Variants in LRRK1 observed in about 807,000 individuals in gnomAD.
LRRK1 encodes the protein leucine rich repeat kinase 1, also known as leucine-rich repeat serine/threonine-protein kinase 1.
In LRRK1, 113 loss-of-function variants were observed where a neutral mutation model predicts 209.1. The observed-to-expected ratio is 0.54, with a 90% CI of 0.46 to 0.63. The LOEUF is 0.63. Ranked by LOEUF, LRRK1 falls within the 30% of genes least tolerant of loss-of-function variation. The pLI is 0.00. For missense variants in LRRK1, 2,284 were observed against 2,632.2 expected, an observed-to-expected ratio of 0.87 and a Z score of 2.89; for synonymous variants, 1,144 against 1,099.7, an observed-to-expected ratio of 1.04 and a Z score of -0.80.
At chr15:101,013,780 T>C (rs1168531267) in intron 10 of LRRK1, among the ~76,000 whole-genome samples, 1 of 152,144 alleles carries the variant, frequency 6.6e-6, no homozygotes, top group Non-Finnish European at 1.5e-5. Context: ...CTGATAATCC[T>C]GAGGGGCCCA....
intron 2 of LRRK1, among the ~76,000 whole-genome samples, chr15:100,970,418 T>A (rs1169960439): frequency 6.6e-6 from 1 of 152,244 alleles, no homozygotes; most frequent in East Asian, 1.9e-4. Context: ...CCCATTGTAC[T>A]GCTTTGGCTC....
In LRRK1 at chr15:101,021,851, T is replaced by G. The variant is rs2033810801; in HGVS notation, c.1746T>G (p.Pro582=). The part of the protein sequence containing the change: ...SLSELYLGNN[P]GLRELPPELG... ...TGGACACATCTGTCTTCAGCAACCC[T>G]GGCCTCCGGGAGCTCCCTCCTGAGC... is the stretch of plus-strand genomic sequence containing the variant. The change falls in exon 14 of 34, where the codon CCT becomes CCG. Residue 582 remains proline (P), a synonymous_variant. Coordinates refer to ENST00000388948, the MANE Select transcript of LRRK1 (RefSeq NM_024652.6). The G allele has an allele frequency of 3.7e-6, 6 of 1,612,394 alleles. No individual in the cohort carries two copies. Among genetic ancestry groups the G allele is most frequent in the Non-Finnish European group, 5.1e-6 (6 of 1,178,704 alleles).
chr15:101,059,792 C>T (rs1434732604), intron 29 of LRRK1, among the ~76,000 whole-genome samples: 1 of 152,224 alleles, frequency 6.6e-6, no homozygotes, highest in African/African-American at 2.4e-5. Context: ...ACTGTGGTCT[C>T]TAAGTACCAA....
intron 29 of LRRK1, among the ~76,000 whole-genome samples, chr15:101,059,840 G>A (rs1415879291): frequency 4.7e-4 from 71 of 152,224 alleles, no homozygotes; most frequent in Admixed American, 4.4e-3. Context: ...GCAGAGTCCA[G>A]GTCCGGGGCA....
intron 27 of LRRK1, 144 bp downstream of exon 27, chr15:101,055,367 G>A (rs987686027): frequency 2.5e-6 from 2 of 811,938 alleles, no homozygotes; most frequent in African/African-American, 3.5e-5. Flanking sequence ...CTCAATGAGG[G>A]AGGTTCTGGC....
At chr15:101,006,368 G>GTGA (rs2032950087) in intron 6 of LRRK1, among the ~76,000 whole-genome samples, 1 of 105,878 alleles carries the variant, frequency 9.4e-6, no homozygotes, top group Non-Finnish European at 1.8e-5. Context: ...CAACGACAAT[G>GTGA]TGATAAAAAA....
rs563879958 is a variant in LRRK1 at position 101,022,272 on chromosome 15, C to T, written c.1853-111C>T. On this transcript the variant is annotated intron_variant, in intron 14 of 33. Transcript: ENST00000388948. The surrounding 1 kb of genome is among the most constrained non-coding windows in gnomAD (Gnocchi z 4.0). Reference sequence around the variant, plus strand: ...CCCCTGATCCAGTAGTCTTCCTTAACTGTCCCCACTAAAACACAAAGAAGG... The same window carrying T: ...CCCCTGATCCAGTAGTCTTCCTTAATTGTCCCCACTAAAACACAAAGAAGG... The T allele has an allele frequency of 1.3e-4, 138 of 1,064,608 alleles. 1 individual carries two copies. In the African/African-American group the frequency reaches 2.0e-3, roughly 16 times the overall value. The allele number at this position is 1,064,608 out of a possible 1,614,324, so 65.9% of individuals were successfully genotyped here.
At chr15:101,028,577 T>C (rs1322920659) in intron 19 of LRRK1, among the ~76,000 whole-genome samples, 4 of 152,256 alleles carry the variant, frequency 2.6e-5, no homozygotes, top group African/African-American at 9.6e-5. Context: ...CAGCCTCCGC[T>C]GGCAACGTGC....
chr15:101,060,479 T>TATCA (rs1405541804), intron 29 of LRRK1, among the ~76,000 whole-genome samples: 2 of 152,246 alleles, frequency 1.3e-5, no homozygotes, highest in Non-Finnish European at 2.9e-5. Flanking sequence ...GCAAATACGT[T>TATCA]ATCAGTCAAC....
At chr15:100,932,697 T>G (rs117381379) in intron 2 of LRRK1, among the ~76,000 whole-genome samples, 5 of 152,330 alleles carry the variant, frequency 3.3e-5, no homozygotes, top group Non-Finnish European at 7.3e-5. Context: ...TATTTCCTGT[T>G]TCTGGTTTTA....
At chr15:100,987,025 T>A (rs1008315801) in intron 4 of LRRK1, among the ~76,000 whole-genome samples, 3 of 152,174 alleles carry the variant, frequency 2.0e-5, no homozygotes, top group Admixed American at 6.5e-5. Context: ...ACTAGCATGG[T>A]TACTGTGTTT....
At chr15:101,000,563 C>A (rs2032635770) in intron 6 of LRRK1, among the ~76,000 whole-genome samples, 1 of 152,198 alleles carries the variant, frequency 6.6e-6, no homozygotes, top group Non-Finnish European at 1.5e-5. Flanking sequence ...GGGTCGGCTT[C>A]TCCTGGAAGC....
In LRRK1 at chr15:101,024,946, G is replaced by A; in HGVS notation, c.2211G>A (p.Gln737=). 2 of 1,613,856 alleles carry A rather than the reference G, an allele frequency of 1.2e-6. No homozygotes were observed. Among genetic ancestry groups the A allele is most frequent in the Non-Finnish European group, 1.7e-6 (2 of 1,179,976 alleles). Residue 737 remains glutamine, a synonymous_variant, in exon 16 of 34, where the codon CAG becomes CAA. Coordinates refer to ENST00000388948, the MANE Select transcript of LRRK1 (RefSeq NM_024652.6). The surrounding 1 kb of genome is among the most constrained non-coding windows in gnomAD (Gnocchi z 4.6). The part of the protein sequence containing the change: ...ALGEEAVANL[Q]FWLLNIEAKA... ...GGGAGGAGGCCGTGGCCAACCTCCA[G>A]TTCTGGCTGCTCAACATCGAGGTGA... is the stretch of plus-strand genomic sequence containing the variant.
intron 21 of LRRK1, among the ~76,000 whole-genome samples, chr15:101,046,972 T>G (rs1209743827): frequency 6.6e-6 from 1 of 152,180 alleles, no homozygotes; most frequent in Non-Finnish European, 1.5e-5. Flanking sequence ...TGGGAACGTG[T>G]GAGGAACACA....
At chr15:101,020,559 A>G (rs1190610885) in intron 12 of LRRK1, among the ~76,000 whole-genome samples, 3 of 151,964 alleles carry the variant, frequency 2.0e-5, no homozygotes, top group Non-Finnish European at 4.4e-5. Context: ...TATCTTTAGT[A>G]GAGACAGGGT....
intron 21 of LRRK1, 85 bp downstream of exon 21, chr15:101,046,237 G>T (rs1596317224): frequency 1.4e-6 from 2 of 1,408,958 alleles, no homozygotes; most frequent in Non-Finnish European, 2.0e-6. Context: ...GCCCTTTGCT[G>T]GGGGGCCCTG....
intron 2 of LRRK1, among the ~76,000 whole-genome samples, chr15:100,966,773 A>G (rs1334855929): frequency 1.3e-5 from 2 of 152,230 alleles, no homozygotes; most frequent in Admixed American, 6.5e-5. Context: ...CAACATTTTT[A>G]TAATGTAAAG....
At chr15:101,061,485 A>G (rs1372033754) in intron 30 of LRRK1, among the ~76,000 whole-genome samples, 197 bp downstream of exon 30, 1 of 152,148 alleles carries the variant, frequency 6.6e-6, no homozygotes, top group African/African-American at 2.4e-5. Flanking sequence ...GGGCAGCTCA[A>G]CCCTGCCTGC....
At chr15:100,977,262 A>G (rs1395055852) in intron 3 of LRRK1, among the ~76,000 whole-genome samples, 2 of 151,976 alleles carry the variant, frequency 1.3e-5, no homozygotes, top group East Asian at 3.8e-4. Flanking sequence ...AAAGCCAGGC[A>G]GGAAACTTAC....
Sources: allele counts gnomAD v4.1 joint callset (sites outside exome capture counted in the v4.1 genomes callset), GRCh38; gene constraint gnomAD v4.1.1; non-coding constraint Gnocchi (gnomAD v3.1); transcripts MANE v1.5; gene names NCBI Gene and HGNC (gene_info 2026-07-23, HGNC 2026-07-21).